The following DDR2 variants were observed in gnomAD, a reference collection of about 807,000 sequenced individuals.
DDR2 encodes the protein discoidin domain-containing receptor 2.
DDR2 carries 27 observed loss-of-function variants against 94.9 expected under a neutral mutation model. The ratio of observed to expected loss-of-function variants is 0.28; its 90% CI spans 0.21 to 0.39. The LOEUF (loss-of-function observed/expected upper bound fraction) is 0.39. DDR2 is among the 10% of genes least tolerant of loss of function. The pLI is 1.00. For missense variants in DDR2, 783 were observed against 1,076.0 expected, an observed-to-expected ratio of 0.73 and a Z score of 3.81; for synonymous variants, 382 against 377.2, an observed-to-expected ratio of 1.01 and a Z score of -0.15.
At chr1:162,661,466 T>A (rs1658291745) in intron 2 of DDR2, among the ~76,000 whole-genome samples, 1 of 152,164 alleles carries the variant, frequency 6.6e-6, no homozygotes, top group South Asian at 2.1e-4. Flanking sequence ...TTCTTTTAAT[T>A]CCCTTGGAGA....
In DDR2 at chr1:162,751,590, G is replaced by A. The variant is rs559577025; in HGVS notation, c.83-1505G>A. Among the ~76,000 whole-genome samples the A allele has an allele frequency of 1.1e-4, 17 of 152,310 alleles. No individual in the cohort carries two copies. In the South Asian group the frequency reaches 1.9e-3, roughly 17 times the overall value. ...AAACCATTGTGGAAGACAGTGTGGC[G>A]ATTCCTCAAAGATCTAGAAGTAGAA... On this transcript the variant is annotated intron_variant, in intron 3 of 17. Transcript: ENST00000367921.
chr1:162,717,274 G>A (rs1199476380), intron 2 of DDR2, among the ~76,000 whole-genome samples: 1 of 152,134 alleles, frequency 6.6e-6, no homozygotes, highest in Non-Finnish European at 1.5e-5. Context: ...GACCTCAGGT[G>A]ATCCACCCGC....
chr1:162,710,100 C>G (rs764609807), intron 2 of DDR2, among the ~76,000 whole-genome samples: 4 of 152,208 alleles, frequency 2.6e-5, no homozygotes, highest in African/African-American at 9.6e-5. Flanking sequence ...AGTCATGTGA[C>G]TCAACATCTT....
chr1:162,653,061 C>G (rs909456714), intron 1 of DDR2, among the ~76,000 whole-genome samples: 3 of 152,060 alleles, frequency 2.0e-5, no homozygotes, highest in Non-Finnish European at 4.4e-5. Context: ...GCCATGATCA[C>G]GCCACTGCAC....
chr1:162,725,333 G>T (rs552238770), intron 3 of DDR2, among the ~76,000 whole-genome samples: 1 of 151,982 alleles, frequency 6.6e-6, no homozygotes, highest in African/African-American at 2.4e-5. Flanking sequence ...TCTTTATCCC[G>T]TTTTTCAAAT....
intron 11 of DDR2, among the ~76,000 whole-genome samples, chr1:162,769,374 C>T (rs1407704395): frequency 6.6e-6 from 1 of 152,204 alleles, no homozygotes; most frequent in Non-Finnish European, 1.5e-5. Flanking sequence ...CTTAACATAG[C>T]TGTAGACTGT....
rs551933360 is a variant in DDR2 at position 162,702,828 on chromosome 1, G to A, written c.-27-16209G>A. Among the ~76,000 whole-genome samples, 13 of 152,286 alleles carry A rather than the reference G, an allele frequency of 8.5e-5. No individual in the cohort carries two copies. The South Asian group carries it at 2.1e-3, about 24-fold the overall frequency. ...TTAGTTCAGCAGCTGGTCAGATGCT[G>A]TTTCCGATAAGCCACTCAGCTAGCT... On this transcript the variant is annotated intron_variant, in intron 2 of 17. Transcript: ENST00000367921.
At chr1:162,716,373 C>G (rs549642854) in intron 2 of DDR2, among the ~76,000 whole-genome samples, 15 of 152,272 alleles carry the variant, frequency 9.9e-5, no homozygotes, top group African/African-American at 3.1e-4. Context: ...GAGCTCGGGT[C>G]TCTCTGGAAG....
upstream of DDR2, among the ~76,000 whole-genome samples, chr1:162,630,962 T>C (rs1409053256): frequency 1.3e-5 from 2 of 152,184 alleles, no homozygotes; most frequent in Non-Finnish European, 2.9e-5. Context: ...AAACTAACCC[T>C]AGTTCTAGTT....
At chr1:162,679,008 CT>C (rs1023636747) in intron 2 of DDR2, among the ~76,000 whole-genome samples, 3 of 150,890 alleles carry the variant, frequency 2.0e-5, no homozygotes, top group African/African-American at 7.3e-5. Context: ...GTCTACAGTA[CT>C]AAGGCATGTT....
chr1:162,770,540 C>A, intron 12 of DDR2, 28 bp downstream of exon 12: 1 of 1,606,580 alleles, frequency 6.2e-7, no homozygotes, highest in Non-Finnish European at 8.5e-7. Flanking sequence ...GGCAGGGTGT[C>A]AAGGGAGAAA....
intron 2 of DDR2, among the ~76,000 whole-genome samples, chr1:162,673,940 A>T (rs1659006872): frequency 6.6e-6 from 1 of 151,264 alleles, no homozygotes; most frequent in East Asian, 1.9e-4. Context: ...TTTTACACAT[A>T]CTCTCTCTCT....
intron 2 of DDR2, among the ~76,000 whole-genome samples, chr1:162,666,025 A>G (rs1009757340): frequency 5.9e-5 from 9 of 152,114 alleles, no homozygotes; most frequent in African/African-American, 2.2e-4. Context: ...TTCACCACCC[A>G]TATGTCCATG....
intron 2 of DDR2, among the ~76,000 whole-genome samples, chr1:162,675,457 A>G (rs935882196): frequency 6.6e-6 from 1 of 152,228 alleles, no homozygotes; most frequent in African/African-American, 2.4e-5. Flanking sequence ...TCTACCAGTC[A>G]AAAGGAACAG....
At position 162,767,327 on chromosome 1, in the gene DDR2, T is replaced by C; in HGVS notation, c.1261T>C (p.Trp421Arg). ...CCTGGCCATCATTGTCATCATCCTC[T>C]GGAGGCAGTTCTGGCAGAAAATGCT... is the stretch of plus-strand genomic sequence containing the variant. ...ILLAIIVIIL[W>R]RQFWQKMLEK... The change falls in exon 11 of 18, where the codon TGG (tryptophan) becomes CGG (arginine). Residue 421 changes from tryptophan to arginine, a missense_variant. Physicochemically the swap from Trp to Arg is moderately radical, Grantham distance 101 (BLOSUM62 -3). This residue lies in a region of DDR2 where 519 missense variants were observed against 647.9 expected (regional missense o/e 0.80). Transcript: ENST00000367921. The C allele has an allele frequency of 6.2e-7, 1 of 1,614,086 alleles. No individual in the cohort carries two copies. The highest frequency in any genetic ancestry group is 8.5e-7 in the Non-Finnish European group (1 of 1,180,012).
chr1:162,761,470 C>A lies in DDR2; in HGVS notation c.1099+16C>A, dbSNP rs1440560250. The A allele has an allele frequency of 6.2e-7, 1 of 1,613,956 alleles. No homozygotes were observed. The highest frequency in any genetic ancestry group is 1.3e-5 in the African/African-American group (1 of 74,908). On this transcript the variant is annotated intron_variant, in intron 9 of 17. Coordinates refer to ENST00000367921, the MANE Select transcript of DDR2 (RefSeq NM_006182.4). ...TTCCAATCAGGTAGGGAGCTCAGGT[C>A]CTCTTTGGGAAGTGGGAGCAAGGTG...
chr1:162,719,746 C>A (rs976499949), intron 3 of DDR2, among the ~76,000 whole-genome samples: 4 of 152,188 alleles, frequency 2.6e-5, no homozygotes, highest in African/African-American at 9.7e-5. Flanking sequence ...TGCTGCTTAA[C>A]AACCTATCCA....
intron 3 of DDR2, among the ~76,000 whole-genome samples, chr1:162,726,123 G>A (rs1160604416): frequency 4.6e-5 from 7 of 152,176 alleles, no homozygotes; most frequent in Admixed American, 4.6e-4. Context: ...GAGAATATAT[G>A]TAAAGTACCT....
In DDR2 at chr1:162,770,292, T is replaced by C. The variant is rs755056323; in HGVS notation, c.1294-10T>C. The stretch of plus-strand genomic sequence containing the variant: ...GCCAACATGCCTTTCTCCTTGCTCT[T>C]CTCTTCCAGGCTTCTCGGAGGATGC... On this transcript the variant is annotated splice_polypyrimidine_tract_variant and intron_variant, in intron 11 of 17. Transcript: ENST00000367921. 3 of 1,613,738 alleles carry C rather than the reference T, an allele frequency of 1.9e-6. No homozygotes were observed. Among genetic ancestry groups the C allele is most frequent in the Non-Finnish European group, 2.5e-6 (3 of 1,179,916 alleles).
Sources: allele counts gnomAD v4.1 joint callset (sites outside exome capture counted in the v4.1 genomes callset), GRCh38; gene constraint gnomAD v4.1.1; regional missense constraint gnomAD v4.1.1; transcripts MANE v1.5; gene names NCBI Gene and HGNC (gene_info 2026-07-23, HGNC 2026-07-21).